RCBTB1: variants seen among roughly 807,000 people sequenced by gnomAD.
RCBTB1 encodes the protein RCC1 and BTB domain containing protein 1, also known as RCC1 and BTB domain-containing protein 1.
Under a neutral mutation model 62.4 loss-of-function variants are expected in RCBTB1, and 46 were observed. That is an observed-to-expected ratio of 0.74 (90% CI 0.58 to 0.94). The LOEUF is 0.94. Among genes scored for constraint, RCBTB1 ranks in the 40% least tolerant of loss-of-function variants. RCBTB1 has a pLI of 0.00. For missense variants in RCBTB1, 565 were observed against 654.9 expected, an observed-to-expected ratio of 0.86 and a Z score of 1.50; for synonymous variants, 222 against 245.8, an observed-to-expected ratio of 0.90 and a Z score of 0.91.
Position 49,555,398 on chromosome 13 carries a change from G to A in RCBTB1, c.603+117C>T, listed in dbSNP as rs1961760825. ...AGTCAGTAATCAGTTAACTTTCAAT[G>A]GAGCTACCAAAACAAAGCACTCTTC... On this transcript the variant is annotated intron_variant, in intron 6 of 12. Transcript: ENST00000378302. 4 of 862,964 alleles carry A rather than the reference G, an allele frequency of 4.6e-6. No homozygotes were observed. In the Admixed American group the frequency reaches 9.1e-5, roughly 20 times the overall value. 53.5% of individuals were successfully genotyped at this position (862,964 alleles called of 1,614,324 possible). A position where few individuals can be genotyped will look rare whatever the true frequency, so the allele number is the denominator to read the frequency against.
At chr13:49,543,179 G>A (rs1233351628) in intron 10 of RCBTB1, among the ~76,000 whole-genome samples, 2 of 152,198 alleles carry the variant, frequency 1.3e-5, no homozygotes, top group Non-Finnish European at 2.9e-5. Context: ...CTGGAAGATC[G>A]CTTGAACACA....
At chr13:49,582,350 A>G (rs1964152565) in intron 1 of RCBTB1, among the ~76,000 whole-genome samples, 1 of 152,148 alleles carries the variant, frequency 6.6e-6, no homozygotes, top group African/African-American at 2.4e-5. Context: ...AGCTGGGCAT[A>G]GTGGTGGGTG....
rs1244469348 is a variant in RCBTB1, at chr13:49,544,880, T to A, written c.1046-17A>T. On this transcript the variant is annotated splice_polypyrimidine_tract_variant and intron_variant, in intron 9 of 12. Transcript: ENST00000378302. The stretch of plus-strand genomic sequence containing the variant: ...CTTCATGCTCTGAAGGCAACAAACA[T>A]ATATTAATATGGCAAGTTCAAGGAA... The A allele has an allele frequency of 6.3e-7, 1 of 1,599,330 alleles. No homozygotes were observed. Among genetic ancestry groups the A allele is most frequent in the East Asian group, 2.2e-5 (1 of 44,638 alleles).
chr13:49,562,753 C>T (rs998631443), intron 4 of RCBTB1, among the ~76,000 whole-genome samples: 3 of 143,834 alleles, frequency 2.1e-5, no homozygotes, highest in Non-Finnish European at 4.5e-5. Context: ...GCTGAGACTA[C>T]AGGTGCGTGC....
chr13:49,559,782 A>T, intron 5 of RCBTB1, 136 bp downstream of exon 5: 1 of 709,288 alleles, frequency 1.4e-6, no homozygotes, highest in Non-Finnish European at 2.2e-6. Flanking sequence ...TGCTGGTGAC[A>T]GTTGTATGAC....
chr13:49,551,102 AAAGGGAAGGG>A (rs758804412), intron 8 of RCBTB1: 4 of 466,186 alleles, frequency 8.6e-6, no homozygotes, highest in South Asian at 7.6e-5. Context: ...CTGTCTCAAA[AAAGGGAAGGG>A]AAGGGAAGGG....
intron 6 of RCBTB1, among the ~76,000 whole-genome samples, chr13:49,553,677 G>A (rs751168977): frequency 6.6e-6 from 1 of 152,148 alleles, no homozygotes; most frequent in Non-Finnish European, 1.5e-5. Context: ...AATGTAGGGC[G>A]GCAGACATAG....
intron 1 of RCBTB1, 126 bp downstream of exon 1, chr13:49,585,318 G>A (rs886841693): frequency 2.6e-5 from 4 of 152,262 alleles, no homozygotes; most frequent in Non-Finnish European, 4.4e-5. Context: ...CCGGGAGCCC[G>A]AGCGAGGGAG....
intron 4 of RCBTB1, among the ~76,000 whole-genome samples, chr13:49,565,219 G>T (rs940853146): frequency 3.9e-5 from 6 of 152,220 alleles, no homozygotes; most frequent in African/African-American, 1.4e-4. Flanking sequence ...GTTTCGCTGT[G>T]TTGGCCGGGT....
At position 49,532,479 on chromosome 13, in the gene RCBTB1, T is replaced by C. The variant is rs1468244912; in HGVS notation, c.*1643A>G. 1 of 152,648 alleles carries C rather than the reference T, an allele frequency of 6.6e-6. No individual in the cohort carries two copies. 9.5% of individuals were successfully genotyped at this position (152,648 alleles called of 1,614,324 possible). On this transcript the variant is annotated 3_prime_UTR_variant, in exon 13 of 13. Coordinates refer to ENST00000378302, the MANE Select transcript of RCBTB1 (RefSeq NM_018191.4). ...TGATTGTTACAAACACCACCCATCA[T>C]AGCACAAATCAATGTGCATTTCTGA...
At chr13:49,552,039 A>G in intron 7 of RCBTB1, 139 bp downstream of exon 7, 1 of 666,506 alleles carries the variant, frequency 1.5e-6, no homozygotes. Context: ...ATTAGGGAAG[A>G]TATAATATTA....
At chr13:49,534,536 T>C (rs1016978768) in intron 12 of RCBTB1, among the ~76,000 whole-genome samples, 5 of 152,018 alleles carry the variant, frequency 3.3e-5, no homozygotes, top group African/African-American at 7.2e-5. Context: ...ACACGCAAGA[T>C]CTACAAGGGA....
At chr13:49,582,150 A>G (rs1022708825) in intron 1 of RCBTB1, among the ~76,000 whole-genome samples, 7 of 152,260 alleles carry the variant, frequency 4.6e-5, no homozygotes, top group African/African-American at 1.2e-4. Flanking sequence ...TAACAACTCA[A>G]TGGGCCTTAA....
At chr13:49,559,548 T>C (rs866231473) in intron 5 of RCBTB1, among the ~76,000 whole-genome samples, 3 of 148,552 alleles carry the variant, frequency 2.0e-5, no homozygotes, top group Non-Finnish European at 4.4e-5. Context: ...CCCAGCTACT[T>C]GGGAGGCTGA....
intron 1 of RCBTB1, among the ~76,000 whole-genome samples, chr13:49,583,104 G>T (rs1964201060): frequency 6.6e-6 from 1 of 152,182 alleles, no homozygotes; most frequent in Non-Finnish European, 1.5e-5. Flanking sequence ...CTGGGAGTTT[G>T]AGGCTGCAGT....
Position 49,568,943 on chromosome 13 carries a change from T to C in RCBTB1, c.-41-1623A>G, listed in dbSNP as rs188300831. Among the ~76,000 whole-genome samples, 3 of 152,234 alleles carry C rather than the reference T, an allele frequency of 2.0e-5. No homozygotes were observed. In the East Asian group the frequency reaches 5.8e-4, roughly 29 times the overall value. ...ACTCTGTCTCGAAAATAAAAAATAA[T>C]GATCAGAATAATTGCAACAATAACA... On this transcript the variant is annotated intron_variant, in intron 2 of 12. Transcript: ENST00000378302.
intron 8 of RCBTB1, chr13:49,551,098 CA>C: frequency 4.6e-6 from 2 of 439,492 alleles, no homozygotes; most frequent in Non-Finnish European, 7.6e-6. Context: ...GACTCTGTCT[CA>C]AAAAAGGGAA....
intron 1 of RCBTB1, among the ~76,000 whole-genome samples, chr13:49,581,479 C>G (rs1003232641): frequency 6.6e-6 from 1 of 152,116 alleles, no homozygotes; most frequent in Non-Finnish European, 1.5e-5. Flanking sequence ...GACATTTGTG[C>G]CAGGTACCTG....
intron 1 of RCBTB1, among the ~76,000 whole-genome samples, chr13:49,583,956 A>G (rs1364820754): frequency 6.6e-6 from 1 of 152,144 alleles, no homozygotes; most frequent in African/African-American, 2.4e-5. Context: ...TTTCCTATGC[A>G]TGACTTACTG....
Sources: gnomAD v4.1 joint callset for allele counts (sites outside exome capture counted in the v4.1 genomes callset) on GRCh38, gnomAD v4.1.1 for gene constraint, MANE v1.5 for transcripts, NCBI Gene and HGNC (gene_info 2026-07-23, HGNC 2026-07-21) for gene names.